The following RANBP10 variants were observed in gnomAD, a reference collection of about 807,000 sequenced individuals.
RANBP10 encodes the protein RAN binding protein 10.
RANBP10 carries 24 observed loss-of-function variants against 72.8 expected under a neutral mutation model. That is an observed-to-expected ratio of 0.33 (90% CI 0.24 to 0.46). The LOEUF (loss-of-function observed/expected upper bound fraction) is 0.46, where lower values mean the gene tolerates loss of function less well. RANBP10 is among the 20% of genes least tolerant of loss of function. The pLI is 1.00. For synonymous variants in RANBP10, 310 were observed against 322.3 expected (o/e 0.96, Z 0.41); for missense variants, 679 against 817.5 (o/e 0.83, Z 2.07).
At chr16:67,747,163 C>T (rs988330546) in intron 3 of RANBP10, among the ~76,000 whole-genome samples, 9 of 152,082 alleles carry the variant, frequency 5.9e-5, no homozygotes, top group Non-Finnish European at 1.2e-4. Flanking sequence ...TGTATGAGTT[C>T]CATATCTTCT....
At chr16:67,759,905 C>T (rs952542579) in intron 3 of RANBP10, among the ~76,000 whole-genome samples, 3 of 151,996 alleles carry the variant, frequency 2.0e-5, no homozygotes, top group African/African-American at 7.2e-5. Flanking sequence ...TCGAGACCAC[C>T]CTGGCTAACA....
Position 67,726,398 on chromosome 16 carries a change from G to GGGCCAGCCAGAGCC in RANBP10, c.*16_*29dup. On this transcript the variant is annotated 3_prime_UTR_variant, in exon 14 of 14. Coordinates refer to ENST00000317506, the MANE Select transcript of RANBP10 (RefSeq NM_020850.3). ...CAGCTCCAGCCCTGGGGCCAGTGGA[G>GGGCCAGCCAGAGCC]GGCCAGCCAGAGCCAGCCAGCACAG... is the stretch of plus-strand genomic sequence containing the variant. The GGGCCAGCCAGAGCC allele has an allele frequency of 6.2e-7, 1 of 1,610,760 alleles. No homozygotes were observed.
chr16:67,756,159 G>A (rs1437794782), intron 3 of RANBP10, among the ~76,000 whole-genome samples: 2 of 152,236 alleles, frequency 1.3e-5, no homozygotes, highest in African/African-American at 4.8e-5. Context: ...GTGCCCTAGA[G>A]ATGGAAGACT....
intron 3 of RANBP10, among the ~76,000 whole-genome samples, chr16:67,753,554 T>C (rs2054234791): frequency 6.6e-6 from 1 of 152,050 alleles, no homozygotes; most frequent in Non-Finnish European, 1.5e-5. Flanking sequence ...GAGGACTGAC[T>C]GGAATGGGGT....
At position 67,729,238 on chromosome 16, in the gene RANBP10, A is replaced by G. The variant is rs753704811; in HGVS notation, c.1352+42T>C. ...ACAGACTGCAATGGGCCCAGCTGGC[A>G]TAAGGCAGAAGGCAGAGGAGGAAGC... On this transcript the variant is annotated intron_variant, in intron 10 of 13. Transcript: ENST00000317506. The surrounding 1 kb of genome is among the most constrained non-coding windows in gnomAD (Gnocchi z 7.1). 1.4e-5 allele frequency: 22 copies of G among 1,602,512 alleles called. No homozygotes were observed. Among genetic ancestry groups the G allele is most frequent in the Non-Finnish European group, 1.7e-5 (20 of 1,174,230 alleles).
intron 3 of RANBP10, among the ~76,000 whole-genome samples, chr16:67,766,577 A>T (rs1168288777): frequency 6.6e-6 from 1 of 152,124 alleles, no homozygotes; most frequent in East Asian, 1.9e-4. Context: ...CTCTCTAGCC[A>T]TGTGATATAC....
chr16:67,803,100 G>T (rs1051168789), intron 2 of RANBP10, among the ~76,000 whole-genome samples: 6 of 152,168 alleles, frequency 3.9e-5, no homozygotes, highest in African/African-American at 1.4e-4. Context: ...GTTTTAAGGG[G>T]CTATTCTCAT....
intron 2 of RANBP10, among the ~76,000 whole-genome samples, chr16:67,792,044 CA>C (rs567961558): frequency 0.011 from 856 of 79,184 alleles, 9 homozygotes; most frequent in African/African-American, 0.024. Flanking sequence ...GACTCCGTCT[CA>C]AAAAAAAAAA....
intron 3 of RANBP10, among the ~76,000 whole-genome samples, chr16:67,754,746 G>A (rs2054257679): frequency 1.3e-5 from 2 of 152,238 alleles, no homozygotes; most frequent in African/African-American, 2.4e-5. Flanking sequence ...GAAAGCCAGT[G>A]GGGCTGAAGT....
chr16:67,790,497 C>T (rs1442852924), intron 2 of RANBP10, among the ~76,000 whole-genome samples: 2 of 151,604 alleles, frequency 1.3e-5, no homozygotes, highest in Non-Finnish European at 2.9e-5. Flanking sequence ...TACACAGAGA[C>T]ACCAAGAACA....
At position 67,805,332 on chromosome 16, in the gene RANBP10, C is replaced by T. The variant is rs2055347638; in HGVS notation, c.347+96G>A. 3 of 1,093,936 alleles carry T rather than the reference C, an allele frequency of 2.7e-6. No homozygotes were observed. The South Asian group carries it at 4.4e-5, about 16-fold the overall frequency. The allele number at this position is 1,093,936 out of a possible 1,614,324, so 67.8% of individuals were successfully genotyped here. A position where few individuals can be genotyped will look rare whatever the true frequency, so the allele number is the denominator to read the frequency against. The stretch of plus-strand genomic sequence containing the variant: ...AGCCCAGACCCATGCGGCTCCCCAG[C>T]TCACATCAGCAACAAGTGCCAGCCA... On this transcript the variant is annotated intron_variant, in intron 2 of 13. Transcript: ENST00000317506.
intron 1 of RANBP10, 53 bp downstream of exon 1, chr16:67,806,249 G>A: frequency 1.3e-6 from 2 of 1,503,878 alleles, no homozygotes; most frequent in Non-Finnish European, 1.8e-6. Context: ...TGGCAGCAGA[G>A]CCACCCCACG....
chr16:67,760,936 G>A (rs778574860), intron 3 of RANBP10, among the ~76,000 whole-genome samples: 3 of 152,074 alleles, frequency 2.0e-5, no homozygotes, highest in African/African-American at 2.4e-5. Context: ...CCTGGGAGAC[G>A]CCCAAACCCC....
Position 67,744,338 on chromosome 16 carries a change from A to G in RANBP10, c.518T>C (p.Val173Ala). 1 of 1,614,240 alleles carries G rather than the reference A, an allele frequency of 6.2e-7. No homozygotes were observed. The highest frequency in any genetic ancestry group is 1.1e-5 in the South Asian group (1 of 91,082). The change falls in exon 4 of 14, where the codon GTC (valine) becomes GCC (alanine). Residue 173 changes from valine (V) to alanine (A), a missense_variant. Coordinates refer to ENST00000317506, the MANE Select transcript of RANBP10 (RefSeq NM_020850.3). ...FTTGDVIGCC[V>A]NLINGTCFYT... ...GAAGCAGGTGCCATTGATGAGGTTG[A>G]CACAGCAGCCGATCACGTCTCCTGT... is the stretch of plus-strand genomic sequence containing the variant.
intron 1 of RANBP10, 70 bp from the exon 2 acceptor site, chr16:67,805,609 A>G (rs539729496): frequency 1.5e-5 from 19 of 1,289,560 alleles, no homozygotes; most frequent in Admixed American, 3.9e-5. Context: ...TTTTCTCTGC[A>G]ACTCCTCCAT....
intron 2 of RANBP10, among the ~76,000 whole-genome samples, chr16:67,804,668 G>A (rs1465920631): frequency 1.3e-5 from 2 of 152,124 alleles, no homozygotes; most frequent in African/African-American, 4.8e-5. Flanking sequence ...CTTCTGAAGT[G>A]ATAGGATTAC....
At chr16:67,728,174 C>G (rs2053646639) in intron 11 of RANBP10, among the ~76,000 whole-genome samples, 1 of 152,236 alleles carries the variant, frequency 6.6e-6, no homozygotes, top group South Asian at 2.1e-4. Context: ...CACCCTCCAG[C>G]CTCAAACATA....
intron 6 of RANBP10, among the ~76,000 whole-genome samples, chr16:67,733,182 T>C (rs556682724): frequency 6.7e-6 from 1 of 150,306 alleles, no homozygotes; most frequent in Admixed American, 6.6e-5. Context: ...CTGGGCAACA[T>C]GGCGAAACCC....
At chr16:67,789,989 C>A (rs745541044) in intron 2 of RANBP10, among the ~76,000 whole-genome samples, 1 of 151,178 alleles carries the variant, frequency 6.6e-6, no homozygotes, top group Non-Finnish European at 1.5e-5. Flanking sequence ...CCCAGCTACT[C>A]GGGAGGCTGA....
Sources: gnomAD v4.1 joint callset for allele counts (sites outside exome capture counted in the v4.1 genomes callset) on GRCh38, gnomAD v4.1.1 for gene constraint, Gnocchi (gnomAD v3.1) non-coding constraint, MANE v1.5 for transcripts, NCBI Gene and HGNC (gene_info 2026-07-23, HGNC 2026-07-21) for gene names.